PSD3: variants seen among roughly 807,000 people sequenced by gnomAD.
PSD3 encodes the protein PH and SEC7 domain-containing protein 3.
Under a neutral mutation model 105.5 loss-of-function variants are expected in PSD3, and 49 were observed. That is an observed-to-expected ratio of 0.46 (90% CI 0.37 to 0.59). The LOEUF (loss-of-function observed/expected upper bound fraction) is 0.59. Among genes scored for constraint, PSD3 ranks in the 20% least tolerant of loss-of-function variants. The probability of loss-of-function intolerance (pLI) is 0.00; values close to 1 mark genes in which losing one functional copy is unlikely to be tolerated. For synonymous variants in PSD3, 557 were observed against 457.8 expected (o/e 1.22, Z -2.77); for missense variants, 1,561 against 1,263.8 (o/e 1.24, Z -3.57).
Position 18,739,352 on chromosome 8 carries a change from G to C in PSD3, c.2172+26097C>G, listed in dbSNP as rs140233030. On this transcript the variant is annotated intron_variant, in intron 9 of 15. Coordinates refer to ENST00000327040, the MANE Select transcript of PSD3 (RefSeq NM_015310.4). ...ATACTTAATTATTAGTTATAAACTCGCTGTTGAAATACCAAGAGTATTTAA... is the reference window on the plus strand; with the variant it reads ...ATACTTAATTATTAGTTATAAACTCCCTGTTGAAATACCAAGAGTATTTAA... 3.7e-3 allele frequency among the ~76,000 whole-genome samples: 566 copies of C among 152,150 alleles called. 5 individuals carry two copies. The highest frequency in any genetic ancestry group is 0.013 in the African/African-American group (538 of 41,530).
At chr8:18,774,632 G>T (rs998773197) in intron 8 of PSD3, 48 of 382,192 alleles carry the variant, frequency 1.3e-4, no homozygotes, top group Non-Finnish European at 2.3e-4. Flanking sequence ...CCCTATGCTT[G>T]TTCAGCCAGT....
rs1201788476 is a variant in PSD3 at position 18,983,870 on chromosome 8, G to A, written c.21+29693C>T. ...AATGTTTTAACCGGCTGGATATGGT[G>A]GCATGTGCTGTAGTCCCAGCTACTA... is the stretch of plus-strand genomic sequence containing the variant. On this transcript the variant is annotated intron_variant, in intron 1 of 15. Transcript: ENST00000327040. 4.6e-5 allele frequency among the ~76,000 whole-genome samples: 7 copies of A among 151,970 alleles called. No homozygotes were observed. In the East Asian group the frequency reaches 1.4e-3, roughly 29 times the overall value.
intron 1 of PSD3, among the ~76,000 whole-genome samples, chr8:18,984,497 C>G (rs1158843524): frequency 6.6e-6 from 1 of 151,422 alleles, no homozygotes; most frequent in Non-Finnish European, 1.5e-5. Flanking sequence ...TTAAAAATAC[C>G]AAAAAAATGG....
At chr8:19,066,573 C>T (rs1255122233) in intron 1 of PSD3, among the ~76,000 whole-genome samples, 2 of 152,180 alleles carry the variant, frequency 1.3e-5, no homozygotes, top group African/African-American at 4.8e-5. Context: ...CATCCAACTT[C>T]TCTTCTACTC....
intron 8 of PSD3, among the ~76,000 whole-genome samples, chr8:18,795,147 A>T (rs1028499736): frequency 9.9e-5 from 15 of 152,176 alleles, no homozygotes; most frequent in Non-Finnish European, 2.1e-4. Flanking sequence ...CCTTGATTAT[A>T]TTCTTCTCCC....
intron 11 of PSD3, among the ~76,000 whole-genome samples, chr8:18,627,307 G>C (rs1806557130): frequency 6.6e-6 from 1 of 151,968 alleles, no homozygotes; most frequent in African/African-American, 2.4e-5. Flanking sequence ...GAGAGGGCTA[G>C]AATTTGTAGA....
At chr8:18,812,080 G>A (rs561796684) in intron 4 of PSD3, among the ~76,000 whole-genome samples, 53 of 152,210 alleles carry the variant, frequency 3.5e-4, no homozygotes, top group African/African-American at 1.2e-3. Flanking sequence ...ACTGAACACC[G>A]CCACTCATTT....
rs781136084 is a variant in PSD3 at position 18,535,824 on chromosome 8, G to C, written c.3063C>G (p.Ile1021Met). 6.2e-6 allele frequency: 10 copies of C among 1,614,142 alleles called. No homozygotes were observed. The South Asian group carries it at 1.1e-4, about 18-fold the overall frequency. Residue 1021 changes from isoleucine (I) to methionine (M), a missense_variant, in exon 16 of 16, where the codon ATC becomes ATG. Ile to Met is a conservative substitution (Grantham distance 10). Transcript: ENST00000327040. Reference protein sequence around the residue: ...SPSLNPDTSPITAKVKRNVSE... With the variant: ...SPSLNPDTSPMTAKVKRNVSE... ...ACACGTTACGCTTGACTTTGGCAGT[G>C]ATTGGAGAAGTATCCGGGTTCAGCG...
intron 1 of PSD3, among the ~76,000 whole-genome samples, chr8:18,974,289 C>A (rs1210923380): frequency 6.6e-6 from 1 of 152,144 alleles, no homozygotes; most frequent in African/African-American, 2.4e-5. Context: ...GAACAGGATT[C>A]AAACCAACCT....
intron 1 of PSD3, among the ~76,000 whole-genome samples, chr8:18,956,122 G>A (rs1823558043): frequency 6.6e-6 from 1 of 152,094 alleles, no homozygotes; most frequent in Non-Finnish European, 1.5e-5. Flanking sequence ...GAAGCTGAAA[G>A]AAAAAGACTT....
rs1161849382 is a variant in PSD3, at chr8:18,594,132, TTA to T, written c.2481+6230_2481+6231del. Among the ~76,000 whole-genome samples, 12 of 77,092 alleles carry T rather than the reference TTA, an allele frequency of 1.6e-4. 2 individuals are homozygous for T. Among genetic ancestry groups the T allele is most frequent in the Admixed American group, 6.4e-4 (3 of 4,694 alleles). The allele number at this position is 77,092 out of a possible 152,430, so 50.6% of individuals were successfully genotyped here. On this transcript the variant is annotated intron_variant, in intron 12 of 15. Transcript: ENST00000327040. The stretch of plus-strand genomic sequence containing the variant: ...AGAACTTAAAGTATAATAATATATA[TTA>T]TATATATATTATATAATATATATTA...
upstream of PSD3, among the ~76,000 whole-genome samples, chr8:19,015,997 A>G (rs1476844708): frequency 1.3e-5 from 2 of 152,384 alleles, no homozygotes; most frequent in African/African-American, 4.8e-5. Flanking sequence ...AGAGGTTCTG[A>G]TCAGCATAAA....
At chr8:18,676,412 C>T (rs1585586291) in intron 9 of PSD3, among the ~76,000 whole-genome samples, 1 of 152,322 alleles carries the variant, frequency 6.6e-6, no homozygotes, top group South Asian at 2.1e-4. Context: ...ACAAAACCCA[C>T]ACCTCTACCA....
intron 4 of PSD3, among the ~76,000 whole-genome samples, chr8:18,862,010 G>A (rs764086290): frequency 5.9e-5 from 9 of 152,252 alleles, no homozygotes; most frequent in East Asian, 1.9e-4. Flanking sequence ...AGGAAGCCCC[G>A]TAGTAAGGGT....
chr8:19,019,965 G>A (rs1034954121), intron 1 of PSD3, among the ~76,000 whole-genome samples: 39 of 152,222 alleles, frequency 2.6e-4, no homozygotes, highest in Admixed American at 2.2e-3. Flanking sequence ...GGTGGTCCGG[G>A]GCATAGGGTA....
chr8:18,558,936 T>A (rs1801236484), intron 14 of PSD3, among the ~76,000 whole-genome samples: 1 of 152,208 alleles, frequency 6.6e-6, no homozygotes, highest in Non-Finnish European at 1.5e-5. Flanking sequence ...GTTTTTAAGA[T>A]TTATCTACAT....
At chr8:18,959,361 G>A (rs534751084) in intron 1 of PSD3, among the ~76,000 whole-genome samples, 128 of 152,170 alleles carry the variant, frequency 8.4e-4, no homozygotes, top group Admixed American at 1.7e-3. Context: ...AAAGCCCTGG[G>A]GAATCCATTC....
At chr8:18,793,539 G>A (rs1042290355) in intron 8 of PSD3, among the ~76,000 whole-genome samples, 6 of 152,086 alleles carry the variant, frequency 3.9e-5, no homozygotes, top group Non-Finnish European at 7.4e-5. Context: ...AAAAAGCCAG[G>A]TAAGACAAGA....
At chr8:18,565,938 G>A (rs1261856233) in intron 14 of PSD3, among the ~76,000 whole-genome samples, 1 of 152,054 alleles carries the variant, frequency 6.6e-6, no homozygotes, top group African/African-American at 2.4e-5. Flanking sequence ...ATTCACAGAG[G>A]CCCTCACGAC....
Sources: gnomAD v4.1 joint callset for allele counts (sites outside exome capture counted in the v4.1 genomes callset) on GRCh38, gnomAD v4.1.1 for gene constraint, MANE v1.5 for transcripts, NCBI Gene and HGNC (gene_info 2026-07-23, HGNC 2026-07-21) for gene names.